Variants in BCAR3 observed in about 807,000 individuals in gnomAD.
The protein encoded by BCAR3 is BCAR3 adaptor protein, NSP family member.
A neutral mutation model predicts 80.1 loss-of-function variants in BCAR3; 37 were observed. That is an observed-to-expected ratio of 0.46 (90% CI 0.36 to 0.61). The LOEUF is 0.61. BCAR3 is among the 20% of genes least tolerant of loss of function. BCAR3 has a pLI of 0.00. For synonymous variants in BCAR3, 389 were observed against 418.9 expected (o/e 0.93, Z 0.87); for missense variants, 978 against 1,068.2 (o/e 0.92, Z 1.18).
At chr1:93,575,992 T>G in intron 8 of BCAR3, 22 bp downstream of exon 8, 1 of 1,601,788 alleles carries the variant, frequency 6.2e-7, no homozygotes, top group Non-Finnish European at 8.6e-7. Flanking sequence ...GGGTCGGAAG[T>G]GCAGAGGACG....
chr1:93,581,907 T>C (rs1673723271), intron 7 of BCAR3, among the ~76,000 whole-genome samples: 1 of 152,246 alleles, frequency 6.6e-6, no homozygotes. Context: ...GCTTTACCAA[T>C]TCTGATGGAG....
intron 3 of BCAR3, among the ~76,000 whole-genome samples, chr1:93,698,642 T>C (rs1422290737): frequency 2.0e-5 from 3 of 152,124 alleles, no homozygotes; most frequent in African/African-American, 7.2e-5. Flanking sequence ...AACCCATTCC[T>C]GAGTGGGGTG....
Position 93,573,615 on chromosome 1 carries a change from A to ATTTGTTT in BCAR3, c.1803-1775_1803-1774insAAACAAA, listed in dbSNP as rs919862286. ...CATAGACCTAAAATATATTTTTATT[A>ATTTGTTT]TTATTATTATTATTATTATTTTTTT... On this transcript the variant is annotated intron_variant, in intron 8 of 11. Coordinates refer to ENST00000260502, the MANE Select transcript of BCAR3 (RefSeq NM_003567.4). 6.9e-4 allele frequency among the ~76,000 whole-genome samples: 90 copies of ATTTGTTT among 129,746 alleles called. 8 individuals carry two copies. The highest frequency in any genetic ancestry group is 4.1e-3 in the Middle Eastern group (1 of 244). The allele number at this position is 129,746 out of a possible 152,430, so 85.1% of individuals were successfully genotyped here. A position where few individuals can be genotyped will look rare whatever the true frequency, so the allele number is the denominator to read the frequency against.
At chr1:93,806,182 T>C (rs1213826487) in intron 2 of BCAR3, among the ~76,000 whole-genome samples, 3 of 152,186 alleles carry the variant, frequency 2.0e-5, no homozygotes, top group Admixed American at 6.5e-5. Flanking sequence ...TTCTACCGAC[T>C]CTGAAATTTT....
rs746002336 is a variant in BCAR3 at position 93,846,885 on chromosome 1, C to A, written c.-209+185G>T. 4 of 480,340 alleles carry A rather than the reference C, an allele frequency of 8.3e-6. No individual in the cohort carries two copies. In the East Asian group the frequency reaches 2.2e-4, roughly 27 times the overall value. 29.8% of individuals were successfully genotyped at this position (480,340 alleles called of 1,614,324 possible). On this transcript the variant is annotated intron_variant, in intron 1 of 13. Transcript: ENST00000370244. ...GCCCGGATACCTCAGAAATTCGGCT[C>A]TGGGTCTGTGGGGAGCGAAATGCAA...
Position 93,813,730 on chromosome 1 carries a change from T to C in BCAR3, c.-63+31837A>G, listed in dbSNP as rs1406779987. Among the ~76,000 whole-genome samples the C allele has an allele frequency of 3.3e-5, 5 of 152,242 alleles. No homozygotes were observed. In the East Asian group the frequency reaches 9.6e-4, roughly 29 times the overall value. On this transcript the variant is annotated intron_variant, in intron 2 of 13. Transcript: ENST00000370244. Reference sequence around the variant, plus strand: ...TATTATGATTGCAACTTTAGGAAACTTAACATTGATACAATACTACTATCT... The same window carrying C: ...TATTATGATTGCAACTTTAGGAAACCTAACATTGATACAATACTACTATCT...
At chr1:93,809,432 C>G (rs1179726542) in intron 2 of BCAR3, among the ~76,000 whole-genome samples, 2 of 152,034 alleles carry the variant, frequency 1.3e-5, no homozygotes, top group African/African-American at 2.4e-5. Flanking sequence ...CAGGTAACTT[C>G]TATTTCTCAC....
At chr1:93,840,747 T>G (rs558444457) in intron 2 of BCAR3, among the ~76,000 whole-genome samples, 35 of 152,282 alleles carry the variant, frequency 2.3e-4, no homozygotes, top group African/African-American at 7.0e-4. Flanking sequence ...CTGCCAAGCC[T>G]TGGGGAGAAT....
intron 2 of BCAR3, among the ~76,000 whole-genome samples, chr1:93,783,729 C>T (rs1022785708): frequency 6.6e-6 from 1 of 152,146 alleles, no homozygotes; most frequent in African/African-American, 2.4e-5. Context: ...CCTAGGAGTA[C>T]ATACATATGC....
intron 2 of BCAR3, among the ~76,000 whole-genome samples, chr1:93,839,929 G>C (rs950995564): frequency 2.0e-5 from 3 of 152,168 alleles, no homozygotes; most frequent in Non-Finnish European, 4.4e-5. Flanking sequence ...GGCCTAGGGT[G>C]GGGCCGAGAG....
intron 3 of BCAR3, among the ~76,000 whole-genome samples, chr1:93,692,084 G>T (rs1406495582): frequency 6.6e-6 from 1 of 152,182 alleles, no homozygotes; most frequent in Non-Finnish European, 1.5e-5. Flanking sequence ...ATCTAGGGTT[G>T]GCCAGTTTGA....
intron 9 of BCAR3, among the ~76,000 whole-genome samples, chr1:93,568,786 A>T (rs1014560617): frequency 6.6e-6 from 1 of 152,184 alleles, no homozygotes; most frequent in Non-Finnish European, 1.5e-5. Flanking sequence ...AGTCCACTGT[A>T]TGGATAGCTA....
At chr1:93,788,548 T>G (rs1418010585) in intron 2 of BCAR3, among the ~76,000 whole-genome samples, 1 of 152,174 alleles carries the variant, frequency 6.6e-6, no homozygotes, top group African/African-American at 2.4e-5. Context: ...AAAAAAGACT[T>G]TATCTTTCCT....
In BCAR3 at chr1:93,592,093, T is replaced by C; in HGVS notation, c.486+172A>G. On this transcript the variant is annotated intron_variant, in intron 4 of 11. Coordinates refer to ENST00000260502, the MANE Select transcript of BCAR3 (RefSeq NM_003567.4). This position sits in a 1 kb window ranked among gnomAD's most constrained non-coding sequence, Gnocchi z 4.8. ...TGCTTTGGGTTCTTGACCTCAGCTCTTCCCAAGGTCTTCTTAGAGAAGGGT... is the reference window on the plus strand; with the variant it reads ...TGCTTTGGGTTCTTGACCTCAGCTCCTCCCAAGGTCTTCTTAGAGAAGGGT... 2 of 930,410 alleles carry C rather than the reference T, an allele frequency of 2.1e-6. No homozygotes were observed. Among genetic ancestry groups the C allele is most frequent in the Non-Finnish European group, 3.1e-6 (2 of 648,126 alleles). 57.6% of individuals were successfully genotyped at this position (930,410 alleles called of 1,614,324 possible). A position where few individuals can be genotyped will look rare whatever the true frequency, so the allele number is the denominator to read the frequency against.
At chr1:93,803,125 T>G (rs180717857) in intron 2 of BCAR3, among the ~76,000 whole-genome samples, 1 of 152,296 alleles carries the variant, frequency 6.6e-6, no homozygotes, top group Admixed American at 6.5e-5. Flanking sequence ...CTGTTGACGG[T>G]GAAGCCCTTT....
chr1:93,627,362 T>C (rs1454736106), intron 3 of BCAR3, among the ~76,000 whole-genome samples: 2 of 152,222 alleles, frequency 1.3e-5, no homozygotes, highest in Admixed American at 6.5e-5. Context: ...AGAGTCCACA[T>C]TGCAGTTAAC....
intron 2 of BCAR3, among the ~76,000 whole-genome samples, chr1:93,833,139 G>A (rs569016526): frequency 6.6e-6 from 1 of 152,094 alleles, no homozygotes; most frequent in Non-Finnish European, 1.5e-5. Flanking sequence ...TTTACAGCTG[G>A]GACTCTGGGG....
chr1:93,755,824 C>T (rs1651725524), intron 2 of BCAR3, among the ~76,000 whole-genome samples: 1 of 152,186 alleles, frequency 6.6e-6, no homozygotes, highest in Admixed American at 6.5e-5. Context: ...CATTTAATCA[C>T]TTAAAATTAT....
intron 6 of BCAR3, among the ~76,000 whole-genome samples, chr1:93,583,183 T>C (rs968620255): frequency 2.6e-5 from 4 of 152,020 alleles, no homozygotes; most frequent in African/African-American, 4.8e-5. Flanking sequence ...TGGGTGCAAA[T>C]AGAAATCCCG....
Sources: allele counts gnomAD v4.1 joint callset (sites outside exome capture counted in the v4.1 genomes callset), GRCh38; gene constraint gnomAD v4.1.1; non-coding constraint Gnocchi (gnomAD v3.1); transcripts MANE v1.5; gene names NCBI Gene and HGNC (gene_info 2026-07-23, HGNC 2026-07-21).